The following IL1RAPL2 variants were observed in gnomAD, a reference collection of about 807,000 sequenced individuals.
IL1RAPL2 encodes interleukin 1 receptor accessory protein like 2.
IL1RAPL2 carries 3 observed loss-of-function variants against 44.1 expected under a neutral mutation model. The observed-to-expected ratio is 0.07, with a 90% CI of 0.03 to 0.18. The LOEUF is 0.18. Ranked by LOEUF, IL1RAPL2 falls within the 10% of genes least tolerant of loss-of-function variation. The pLI, the probability that IL1RAPL2 is intolerant of heterozygous loss-of-function variation, is 1.00. For missense variants in IL1RAPL2, 391 were observed against 496.4 expected, an observed-to-expected ratio of 0.79 and a Z score of 2.02; for synonymous variants, 181 against 178.8, an observed-to-expected ratio of 1.01 and a Z score of -0.10.
At chrX:105,582,279 A>C (rs1049175886) in intron 6 of IL1RAPL2, among the ~76,000 whole-genome samples, 3 of 111,035 alleles carry the variant, frequency 2.7e-5, no homozygotes, top group Non-Finnish European at 3.8e-5. Context: ...TTTATTTCAA[A>C]ATTTTGTTTT....
At chrX:104,653,048 G>T (rs889807406) in intron 1 of IL1RAPL2, among the ~76,000 whole-genome samples, 1 of 110,515 alleles carries the variant, frequency 9.0e-6, no homozygotes, top group Non-Finnish European at 1.9e-5. Flanking sequence ...TCTTCTCCTT[G>T]GTTGGTCACA....
chrX:104,818,759 T>C (rs1921215572), intron 2 of IL1RAPL2, among the ~76,000 whole-genome samples: 1 of 109,840 alleles, frequency 9.1e-6, no homozygotes, highest in Admixed American at 9.9e-5. Context: ...GAAGGATCTA[T>C]TTTTTATAAT....
At chrX:105,396,595 T>TA (rs1266142799) in intron 5 of IL1RAPL2, among the ~76,000 whole-genome samples, 1 of 105,426 alleles carries the variant, frequency 9.5e-6, no homozygotes, top group Non-Finnish European at 2.0e-5. Flanking sequence ...AATCCTTATC[T>TA]ACAGGCCTGA....
intron 6 of IL1RAPL2, among the ~76,000 whole-genome samples, chrX:105,621,389 T>C (rs1482960622): frequency 8.9e-6 from 1 of 111,732 alleles, no homozygotes; most frequent in African/African-American, 3.2e-5. Flanking sequence ...CAATTATTTG[T>C]TGATTTAATA....
intron 3 of IL1RAPL2, among the ~76,000 whole-genome samples, chrX:105,207,759 C>A (rs949384332): frequency 4.6e-4 from 51 of 111,927 alleles, no homozygotes; most frequent in African/African-American, 1.6e-3. Flanking sequence ...CAGGAACTAA[C>A]CTGCCATACC....
intron 6 of IL1RAPL2, among the ~76,000 whole-genome samples, chrX:105,545,065 C>T (rs1345988831): frequency 9.0e-6 from 1 of 111,381 alleles, no homozygotes; most frequent in Non-Finnish European, 1.9e-5. Context: ...CCTAGAAATG[C>T]TGTGTTGTAA....
chrX:105,068,167 C>T (rs1242799975), intron 2 of IL1RAPL2, among the ~76,000 whole-genome samples: 1 of 111,313 alleles, frequency 9.0e-6, no homozygotes, highest in Non-Finnish European at 1.9e-5. Context: ...TACTTGATGA[C>T]CTTAAAATGG....
At chrX:104,983,470 TA>T (rs1202979873) in intron 2 of IL1RAPL2, among the ~76,000 whole-genome samples, 1 of 100,143 alleles carries the variant, frequency 1.0e-5, no homozygotes, top group Non-Finnish European at 2.0e-5. Flanking sequence ...ATTAGATACA[TA>T]ATATTATATA....
intron 6 of IL1RAPL2, among the ~76,000 whole-genome samples, chrX:105,597,720 A>G (rs1294327594): frequency 1.8e-5 from 2 of 111,537 alleles, no homozygotes; most frequent in Non-Finnish European, 3.8e-5. Context: ...CACCTCCAAC[A>G]CTGGGGATTA....
chrX:105,101,627 T>A (rs2032672232), intron 2 of IL1RAPL2, among the ~76,000 whole-genome samples: 1 of 111,086 alleles, frequency 9.0e-6, no homozygotes, highest in Non-Finnish European at 1.9e-5. Flanking sequence ...AGTGTATTTG[T>A]AGCCATCTGA....
At chrX:105,633,897 G>C (rs1273225613) in intron 6 of IL1RAPL2, among the ~76,000 whole-genome samples, 1 of 111,340 alleles carries the variant, frequency 9.0e-6, no homozygotes, top group Non-Finnish European at 1.9e-5. Context: ...GTTACATGGA[G>C]AGATCAGGGG....
At chrX:105,494,861 G>A (rs1470160963) in intron 6 of IL1RAPL2, among the ~76,000 whole-genome samples, 1 of 111,652 alleles carries the variant, frequency 9.0e-6, no homozygotes, top group Non-Finnish European at 1.9e-5. Context: ...AGTCTACACA[G>A]AATAAGGACA....
At chrX:104,684,749 G>T (rs989378573) in intron 2 of IL1RAPL2, among the ~76,000 whole-genome samples, 6 of 112,444 alleles carry the variant, frequency 5.3e-5, no homozygotes, top group African/African-American at 1.9e-4. Flanking sequence ...AGGCATGGCA[G>T]AGACACTCAC....
chrX:105,397,958 T>C (rs146337280), intron 5 of IL1RAPL2, among the ~76,000 whole-genome samples: 2 of 110,727 alleles, frequency 1.8e-5, no homozygotes, highest in East Asian at 5.7e-4. Context: ...ATCTCAAAAA[T>C]GCCTAAAGTT....
At position 104,869,987 on chromosome X, in the gene IL1RAPL2, A is replaced by G. The variant is rs1039447598; in HGVS notation, c.82+210992A>G. 1.6e-4 allele frequency among the ~76,000 whole-genome samples: 18 copies of G among 111,855 alleles called. No individual in the cohort carries two copies. In the East Asian group the frequency reaches 1.7e-3, roughly 10 times the overall value. On this transcript the variant is annotated intron_variant, in intron 2 of 10. Coordinates refer to ENST00000372582, the MANE Select transcript of IL1RAPL2 (RefSeq NM_017416.2). ...TGTTTAGATGGAATTATTCCAAAAG[A>G]TCTCTTATATGTATCCCCTGGAGAC... is the stretch of plus-strand genomic sequence containing the variant.
chrX:105,506,876 G>T (rs1006784941), intron 6 of IL1RAPL2, among the ~76,000 whole-genome samples: 3 of 111,942 alleles, frequency 2.7e-5, no homozygotes, highest in Non-Finnish European at 3.8e-5. Context: ...TCATACATCT[G>T]CTTTGTACAT....
chrX:104,833,929 T>C (rs1302701788), intron 2 of IL1RAPL2, among the ~76,000 whole-genome samples: 1 of 112,163 alleles, frequency 8.9e-6, no homozygotes, highest in Non-Finnish European at 1.9e-5. Context: ...TTCATTATGT[T>C]TTGTTGGTTG....
chrX:104,868,298 T>C (rs749757178), intron 2 of IL1RAPL2, among the ~76,000 whole-genome samples: 1 of 112,137 alleles, frequency 8.9e-6, no homozygotes, highest in Non-Finnish European at 1.9e-5. Context: ...ATTGGACTGC[T>C]CCCTCATGCA....
intron 2 of IL1RAPL2, among the ~76,000 whole-genome samples, chrX:105,135,931 G>T (rs2033072890): frequency 9.0e-6 from 1 of 111,374 alleles, no homozygotes; most frequent in African/African-American, 3.3e-5. Context: ...TGTAGATTTG[G>T]GACTAACTCT....
Sources: gnomAD v4.1 joint callset for allele counts (sites outside exome capture counted in the v4.1 genomes callset) on GRCh38, gnomAD v4.1.1 for gene constraint, MANE v1.5 for transcripts, NCBI Gene and HGNC (gene_info 2026-07-23, HGNC 2026-07-21) for gene names.